The following UNKL variants were observed in gnomAD, a reference collection of about 807,000 sequenced individuals.
UNKL encodes unk like zinc finger, also known as putative E3 ubiquitin-protein ligase UNKL.
In UNKL, 60 loss-of-function variants were observed where a neutral mutation model predicts 78.0. That is an observed-to-expected ratio of 0.77 (90% confidence interval 0.63 to 0.95). The LOEUF is 0.95. UNKL is among the 40% of genes least tolerant of loss of function. UNKL has a pLI of 0.00. For synonymous variants in UNKL, 608 were observed against 474.8 expected (o/e 1.28, Z -3.65); for missense variants, 1,159 against 1,045.7 (o/e 1.11, Z -1.49).
At chr16:1,372,071 A>G (rs1225681434) in intron 10 of UNKL, among the ~76,000 whole-genome samples, 1 of 147,016 alleles carries the variant, frequency 6.8e-6, no homozygotes, top group African/African-American at 2.5e-5. Context: ...CCTGGCTAAC[A>G]CGGTGAAACC....
At chr16:1,398,072 A>T (rs1360176585) in intron 5 of UNKL, among the ~76,000 whole-genome samples, 1 of 152,236 alleles carries the variant, frequency 6.6e-6, no homozygotes, top group Non-Finnish European at 1.5e-5. Flanking sequence ...GGGGAGAAGC[A>T]GCCGAACCTC....
At chr16:1,406,663 C>T (rs2037777358) in intron 2 of UNKL, among the ~76,000 whole-genome samples, 1 of 152,066 alleles carries the variant, frequency 6.6e-6, no homozygotes, top group African/African-American at 2.4e-5. Flanking sequence ...AAAGACTGCT[C>T]GCACGTCCCA....
chr16:1,369,066 T>G (rs182246200), intron 12 of UNKL, among the ~76,000 whole-genome samples: 1,998 of 116,520 alleles, frequency 0.017, 49 homozygotes, highest in African/African-American at 0.049. Context: ...TTTTTTTTTT[T>G]TTTTTTTTTT....
chr16:1,372,543 C>G (rs1054285183), intron 10 of UNKL, among the ~76,000 whole-genome samples: 3 of 152,150 alleles, frequency 2.0e-5, no homozygotes, highest in African/African-American at 7.2e-5. Flanking sequence ...ACCCCACTGC[C>G]CCTTCCTAGA....
rs1381501331 is a variant in UNKL, at chr16:1,364,261, AAAC to A, written c.*1976_*1978del. 6.6e-6 allele frequency: 1 copy of A among 152,218 alleles called. No homozygotes were observed. Among genetic ancestry groups the A allele is most frequent in the Admixed American group, 6.5e-5 (1 of 15,268 alleles). The allele number at this position is 152,218 out of a possible 1,614,324, so 9.4% of individuals were successfully genotyped here. On this transcript the variant is annotated 3_prime_UTR_variant, in exon 15 of 15. Transcript: ENST00000389221. ...GAATGTCACGGACCCACTTCCTTTA[AAAC>A]AACAGAATGTTGCTATCAGTTTGTC... is the stretch of plus-strand genomic sequence containing the variant.
intron 5 of UNKL, chr16:1,398,995 T>C (rs2037397666): frequency 6.8e-6 from 10 of 1,474,834 alleles, no homozygotes; most frequent in Middle Eastern, 4.0e-4. Flanking sequence ...CCCTGGCAGC[T>C]TGGGTGAGGA....
In UNKL at chr16:1,370,197, C is replaced by T. The variant is rs774049039; in HGVS notation, c.1518G>A (p.Gln506=). The change falls in exon 12 of 15, where the codon CAG becomes CAA. Residue 506 remains glutamine (Q), a synonymous_variant. Coordinates refer to ENST00000389221, the MANE Select transcript of UNKL (RefSeq NM_001372107.1). The part of the protein sequence containing the change: ...PVGSSAMTPP[Q]QPPPLRSEPG... ...GCTCTGAACGCAGGGGTGGCGGCTG[C>T]TGGGGAGGCGTCATGGCTGAGGAGC... The T allele has an allele frequency of 1.6e-5, 25 of 1,522,298 alleles. No individual in the cohort carries two copies. The South Asian group carries it at 2.9e-4, about 18-fold the overall frequency. The allele number at this position is 1,522,298 out of a possible 1,614,324, so 94.3% of individuals were successfully genotyped here. A position where few individuals can be genotyped will look rare whatever the true frequency, so the allele number is the denominator to read the frequency against.
intron 9 of UNKL, among the ~76,000 whole-genome samples, chr16:1,386,414 C>T (rs1039503951): frequency 5.9e-5 from 9 of 152,088 alleles, no homozygotes; most frequent in South Asian, 2.1e-4. Flanking sequence ...ATTAGCCGGG[C>T]GTGGTGGTGG....
chr16:1,367,374 AC>A (rs1331815761), intron 13 of UNKL, 25 bp from the exon 14 acceptor site: 5 of 1,515,842 alleles, frequency 3.3e-6, no homozygotes, highest in Non-Finnish European at 1.8e-6. Flanking sequence ...CCGTCTCAGC[AC>A]CCCCCACCTC....
Position 1,399,913 on chromosome 16 carries a change from G to A in UNKL, c.599-404C>T, listed in dbSNP as rs1320524168. Reference sequence around the variant, plus strand: ...TAAAATCCAGAGACATGCACACCCCGAAATGCCGCATGGTGAGCCTCATGC... The same window carrying A: ...TAAAATCCAGAGACATGCACACCCCAAAATGCCGCATGGTGAGCCTCATGC... On this transcript the variant is annotated intron_variant, in intron 4 of 14. Coordinates refer to ENST00000389221, the MANE Select transcript of UNKL (RefSeq NM_001372107.1). This position sits in a 1 kb window ranked among gnomAD's most constrained non-coding sequence, Gnocchi z 5.8. Among the ~76,000 whole-genome samples the A allele has an allele frequency of 6.6e-6, 1 of 151,090 alleles. No individual in the cohort carries two copies. Among genetic ancestry groups the A allele is most frequent in the Admixed American group, 6.7e-5 (1 of 15,032 alleles).
chr16:1,381,397 A>G (rs1304834844), intron 10 of UNKL, among the ~76,000 whole-genome samples: 2 of 152,216 alleles, frequency 1.3e-5, no homozygotes, highest in Non-Finnish European at 2.9e-5. Context: ...AGGTGGGCGG[A>G]TCACCTGAGG....
chr16:1,401,984 A>C (rs990213145), intron 3 of UNKL, among the ~76,000 whole-genome samples: 1 of 152,166 alleles, frequency 6.6e-6, no homozygotes, highest in African/African-American at 2.4e-5. Context: ...TGCAGTCTCC[A>C]TCTCCCGGGC....
chr16:1,363,898 A>C lies in UNKL; in HGVS notation c.*2342T>G, dbSNP rs1228626013. The C allele has an allele frequency of 6.6e-6, 1 of 152,344 alleles. No homozygotes were observed. Among genetic ancestry groups the C allele is most frequent in the East Asian group, 1.9e-4 (1 of 5,186 alleles). The allele number at this position is 152,344 out of a possible 1,614,324, so 9.4% of individuals were successfully genotyped here. A position where few individuals can be genotyped will look rare whatever the true frequency, so the allele number is the denominator to read the frequency against. On this transcript the variant is annotated 3_prime_UTR_variant, in exon 15 of 15. Coordinates refer to ENST00000389221, the MANE Select transcript of UNKL (RefSeq NM_001372107.1). ...CCCACCCCTGGGGCTCCCCAGCTCT[A>C]CCACCCCGGAAGCTGAGCCCTGGAG...
At chr16:1,391,591 A>C (rs1240604083) in intron 8 of UNKL, among the ~76,000 whole-genome samples, 2 of 151,170 alleles carry the variant, frequency 1.3e-5, no homozygotes, top group Non-Finnish European at 3.0e-5. Context: ...GAGCCACTGC[A>C]ACTGGCCAAA....
intron 10 of UNKL, among the ~76,000 whole-genome samples, chr16:1,383,103 CAA>C (rs1209322926): frequency 4.4e-4 from 32 of 73,114 alleles, no homozygotes; most frequent in Non-Finnish European, 5.4e-4. Context: ...ACTAAAAATA[CAA>C]AAAAAAAAAA....
chr16:1,404,720 C>T (rs1045743288), intron 2 of UNKL, among the ~76,000 whole-genome samples: 4 of 152,334 alleles, frequency 2.6e-5, no homozygotes, highest in East Asian at 3.9e-4. Context: ...CCCAAGTGGG[C>T]GCCAATGGAG....
chr16:1,409,785 A>C (rs781635973), intron 2 of UNKL, among the ~76,000 whole-genome samples: 17 of 152,150 alleles, frequency 1.1e-4, no homozygotes, highest in Non-Finnish European at 2.2e-4. Context: ...AGACTCCGCA[A>C]CAAAAACTTA....
In UNKL at chr16:1,363,646, G is replaced by T. The variant is rs1453352877; in HGVS notation, c.*2594C>A. The T allele has an allele frequency of 5.3e-6, 1 of 188,904 alleles. No homozygotes were observed. The highest frequency in any genetic ancestry group is 1.1e-5 in the Non-Finnish European group (1 of 89,666). The allele number at this position is 188,904 out of a possible 1,614,324, so 11.7% of individuals were successfully genotyped here. ...GCGCCTCCACCTCAGCCTCCACGGG[G>T]CACCTTCCAGCCACTGCTGTGCCTC... On this transcript the variant is annotated 3_prime_UTR_variant, in exon 15 of 15. Coordinates refer to ENST00000389221, the MANE Select transcript of UNKL (RefSeq NM_001372107.1).
At chr16:1,380,506 C>T (rs750098797) in intron 10 of UNKL, among the ~76,000 whole-genome samples, 1 of 151,924 alleles carries the variant, frequency 6.6e-6, no homozygotes, top group African/African-American at 2.4e-5. Flanking sequence ...AACTTTACAG[C>T]GATGTCTCAG....
Sources: gnomAD v4.1 joint callset for allele counts (sites outside exome capture counted in the v4.1 genomes callset) on GRCh38, gnomAD v4.1.1 for gene constraint, Gnocchi (gnomAD v3.1) non-coding constraint, MANE v1.5 for transcripts, NCBI Gene and HGNC (gene_info 2026-07-23, HGNC 2026-07-21) for gene names.